BBX: variants seen among roughly 807,000 people sequenced by gnomAD.
BBX encodes the protein BBX high mobility group box domain containing, also known as HMG box transcription factor BBX.
In BBX, 30 loss-of-function variants were observed where a neutral mutation model predicts 100.2. The observed-to-expected ratio is 0.30, with a 90% CI of 0.22 to 0.41. BBX has a LOEUF of 0.41. Among genes scored for constraint, BBX ranks in the 10% least tolerant of loss-of-function variants. BBX has a pLI of 1.00. For missense variants in BBX, 1,023 were observed against 1,129.8 expected, an observed-to-expected ratio of 0.91 and a Z score of 1.35; for synonymous variants, 376 against 388.1, an observed-to-expected ratio of 0.97 and a Z score of 0.37.
At chr3:107,544,368 T>C (rs1475985614) in intron 2 of BBX, among the ~76,000 whole-genome samples, 1 of 152,230 alleles carries the variant, frequency 6.6e-6, no homozygotes, top group Non-Finnish European at 1.5e-5. Flanking sequence ...AGATCTGTGC[T>C]TGCTGATGTG....
chr3:107,620,875 CATT>C (rs1206642109), intron 2 of BBX, among the ~76,000 whole-genome samples: 2 of 139,158 alleles, frequency 1.4e-5, no homozygotes, highest in African/African-American at 5.4e-5. Context: ...AGGAGAGAGA[CATT>C]ATTGCTGCAT....
chr3:107,550,356 G>T (rs1201752580), intron 2 of BBX, among the ~76,000 whole-genome samples: 2 of 152,138 alleles, frequency 1.3e-5, no homozygotes, highest in Non-Finnish European at 2.9e-5. Context: ...AACTTTTGAC[G>T]CTATTGTTGG....
chr3:107,691,337 T>G (rs900126262), intron 3 of BBX, among the ~76,000 whole-genome samples: 10 of 152,206 alleles, frequency 6.6e-5, no homozygotes, highest in African/African-American at 2.4e-4. Flanking sequence ...TTAGTAAATT[T>G]ACTGGATAAA....
At chr3:107,704,834 A>G (rs574024223) in intron 3 of BBX, among the ~76,000 whole-genome samples, 2 of 152,276 alleles carry the variant, frequency 1.3e-5, no homozygotes, top group South Asian at 4.1e-4. Context: ...GACCTAACAG[A>G]ATCAAGTACA....
chr3:107,545,434 A>T (rs1355701742), intron 2 of BBX, among the ~76,000 whole-genome samples: 1 of 152,226 alleles, frequency 6.6e-6, no homozygotes, highest in East Asian at 1.9e-4. Flanking sequence ...TATAAATCTT[A>T]AGTGGTAGCT....
chr3:107,722,966 G>T (rs1458957921), intron 5 of BBX, among the ~76,000 whole-genome samples: 2 of 151,916 alleles, frequency 1.3e-5, no homozygotes, highest in Non-Finnish European at 2.9e-5. Context: ...AGCTGTCTCA[G>T]AATTTATTAT....
chr3:107,773,466 A>T lies in BBX; in HGVS notation c.1745A>T (p.Asp582Val). Reference protein sequence around the residue: ...IKAEPLTPMEDALPPSLSGQA... With the variant: ...IKAEPLTPMEVALPPSLSGQA... Reference sequence around the variant, plus strand: ...GCAGAACCATTGACCCCTATGGAAGATGCACTACCACCCAGCCTATCAGGA... The same window carrying T: ...GCAGAACCATTGACCCCTATGGAAGTTGCACTACCACCCAGCCTATCAGGA... The change falls in exon 11 of 18, where the codon GAT becomes GTT. Residue 582 changes from aspartate to valine, a missense_variant. Physicochemically the swap from Asp to Val is radical, Grantham distance 152. Coordinates refer to ENST00000325805, the MANE Select transcript of BBX (RefSeq NM_001142568.3). The surrounding 1 kb of genome is among the most constrained non-coding windows in gnomAD (Gnocchi z 4.1). 1.2e-6 allele frequency: 2 copies of T among 1,614,144 alleles called. No homozygotes were observed. Among genetic ancestry groups the T allele is most frequent in the South Asian group, 1.1e-5 (1 of 91,090 alleles).
chr3:107,786,940 G>A (rs1162257489), intron 13 of BBX, among the ~76,000 whole-genome samples: 2 of 152,116 alleles, frequency 1.3e-5, no homozygotes, highest in Non-Finnish European at 2.9e-5. Flanking sequence ...TTTACAACTT[G>A]GCAGTAAAAG....
chr3:107,541,259 C>T (rs1173558872), intron 2 of BBX, among the ~76,000 whole-genome samples: 1 of 151,924 alleles, frequency 6.6e-6, no homozygotes. Flanking sequence ...GCGACCAGCA[C>T]TCATATATTC....
At chr3:107,609,236 C>A (rs2054660643) in intron 2 of BBX, among the ~76,000 whole-genome samples, 1 of 152,080 alleles carries the variant, frequency 6.6e-6, no homozygotes, top group African/African-American at 2.4e-5. Flanking sequence ...GGGTAAATCA[C>A]ACTTGATTAT....
intron 13 of BBX, among the ~76,000 whole-genome samples, chr3:107,786,026 C>T (rs1309744190): frequency 6.6e-6 from 1 of 152,042 alleles, no homozygotes; most frequent in Non-Finnish European, 1.5e-5. Context: ...TATTTTGATA[C>T]ACTTAAACAA....
intron 2 of BBX, among the ~76,000 whole-genome samples, chr3:107,605,087 C>A (rs1450803508): frequency 6.6e-6 from 1 of 152,158 alleles, no homozygotes; most frequent in Non-Finnish European, 1.5e-5. Context: ...TACATGATAA[C>A]CATTGCATTC....
intron 6 of BBX, among the ~76,000 whole-genome samples, chr3:107,732,459 A>G (rs1189593851): frequency 6.6e-6 from 1 of 152,188 alleles, no homozygotes; most frequent in Non-Finnish European, 1.5e-5. Context: ...AGATTATTTG[A>G]ATAAAACCTA....
intron 10 of BBX, among the ~76,000 whole-genome samples, chr3:107,761,692 A>G (rs559123069): frequency 2.0e-5 from 3 of 152,306 alleles, no homozygotes; most frequent in Non-Finnish European, 4.4e-5. Flanking sequence ...GAGCTGAAAG[A>G]TGCTGAGGGT....
chr3:107,627,183 G>C (rs1054088348), intron 2 of BBX, among the ~76,000 whole-genome samples: 1 of 152,126 alleles, frequency 6.6e-6, no homozygotes, highest in Non-Finnish European at 1.5e-5. Context: ...TTATCTTACC[G>C]GATTACTGTA....
chr3:107,745,692 G>A (rs919279773), intron 8 of BBX, among the ~76,000 whole-genome samples: 3 of 151,812 alleles, frequency 2.0e-5, no homozygotes, highest in African/African-American at 7.3e-5. Flanking sequence ...GATCTCAGGC[G>A]ATCGTCCCAC....
At chr3:107,571,280 C>T (rs1289721346) in intron 2 of BBX, among the ~76,000 whole-genome samples, 1 of 151,998 alleles carries the variant, frequency 6.6e-6, no homozygotes, top group Non-Finnish European at 1.5e-5. Flanking sequence ...ACCAAGGGTA[C>T]GTGGGTGAAT....
chr3:107,745,215 C>T (rs2107613551), intron 8 of BBX, among the ~76,000 whole-genome samples: 1 of 152,240 alleles, frequency 6.6e-6, no homozygotes, highest in East Asian at 1.9e-4. Context: ...GACACTGGTT[C>T]AAAGAGATGG....
intron 2 of BBX, among the ~76,000 whole-genome samples, chr3:107,562,196 A>G (rs903454133): frequency 2.0e-5 from 3 of 152,204 alleles, no homozygotes; most frequent in African/African-American, 4.8e-5. Context: ...ATGCGATTAC[A>G]TTCAAATAAA....
Sources: gnomAD v4.1 joint callset for allele counts (sites outside exome capture counted in the v4.1 genomes callset) on GRCh38, gnomAD v4.1.1 for gene constraint, Gnocchi (gnomAD v3.1) non-coding constraint, MANE v1.5 for transcripts, NCBI Gene and HGNC (gene_info 2026-07-23, HGNC 2026-07-21) for gene names.